Variants in IQCJ observed in about 807,000 individuals in gnomAD.
IQCJ encodes IQ domain-containing protein J.
IQCJ carries 9 observed loss-of-function variants against 11.0 expected under a neutral mutation model. That is an observed-to-expected ratio of 0.82 (90% confidence interval 0.49 to 1.43). The LOEUF (loss-of-function observed/expected upper bound fraction) is 1.43, where lower values mean the gene tolerates loss of function less well. Among genes scored for constraint, IQCJ ranks in the 40% most tolerant of loss-of-function variants. The probability of loss-of-function intolerance (pLI) is 0.00; values close to 1 mark genes in which losing one functional copy is unlikely to be tolerated. For synonymous variants in IQCJ, 55 were observed against 51.3 expected (o/e 1.07, Z -0.31); for missense variants, 146 against 133.2 (o/e 1.10, Z -0.47).
In IQCJ at chr3:159,092,698, A is replaced by AC. The variant is rs1491380806; in HGVS notation, c.9+23257_9+23258insC. Reference sequence around the variant, plus strand: ...GGGCGACAGAGTGAGACTCCATCACAAACACACACACACACACACACACAC... The same window carrying AC: ...GGGCGACAGAGTGAGACTCCATCACACAACACACACACACACACACACACAC... On this transcript the variant is annotated intron_variant, in intron 1 of 3. Coordinates refer to ENST00000397832, the MANE Select transcript of IQCJ (RefSeq NM_001042706.3). Among the ~76,000 whole-genome samples, 282 of 125,606 alleles carry AC rather than the reference A, an allele frequency of 2.2e-3. 5 individuals are homozygous for AC. Among genetic ancestry groups the AC allele is most frequent in the Admixed American group, 3.8e-3 (45 of 11,994 alleles). The allele number at this position is 125,606 out of a possible 152,430, so 82.4% of individuals were successfully genotyped here. A position where few individuals can be genotyped will look rare whatever the true frequency, so the allele number is the denominator to read the frequency against.
At chr3:159,250,390 T>C (rs1727526918) in intron 2 of IQCJ, among the ~76,000 whole-genome samples, 1 of 152,198 alleles carries the variant, frequency 6.6e-6, no homozygotes, top group African/African-American at 2.4e-5. Flanking sequence ...AACAAGAGTC[T>C]TAAAGTATCC....
chr3:159,224,304 A>G (rs1437044808), intron 1 of IQCJ, among the ~76,000 whole-genome samples: 1 of 152,200 alleles, frequency 6.6e-6, no homozygotes, highest in East Asian at 1.9e-4. Context: ...AATATTTAAT[A>G]AGAAGATAAA....
chr3:159,076,831 A>G (rs1191960646), intron 1 of IQCJ, among the ~76,000 whole-genome samples: 2 of 152,090 alleles, frequency 1.3e-5, no homozygotes, highest in Non-Finnish European at 2.9e-5. Flanking sequence ...GAGCATTATC[A>G]TTTATCAGCC....
chr3:159,261,500 C>T lies in IQCJ; in HGVS notation c.156-1048C>T, dbSNP rs567238617. On this transcript the variant is annotated intron_variant, in intron 3 of 3. Transcript: ENST00000397832. The stretch of plus-strand genomic sequence containing the variant: ...CAATTGAATCATGGGGCAATTTCCC[C>T]CATGCCGTTCTGTTGATAGTGAGTT... Among the ~76,000 whole-genome samples, 310 of 152,272 alleles carry T rather than the reference C, an allele frequency of 2.0e-3. 2 individuals are homozygous for T. The highest frequency in any genetic ancestry group is 7.3e-3 in the African/African-American group (302 of 41,542).
chr3:159,229,162 C>G (rs1444421078), intron 1 of IQCJ, among the ~76,000 whole-genome samples: 1 of 152,194 alleles, frequency 6.6e-6, no homozygotes, highest in Non-Finnish European at 1.5e-5. Flanking sequence ...ATTCCACACC[C>G]TGGAACTTTA....
chr3:159,082,845 C>T (rs1255398887), intron 1 of IQCJ, among the ~76,000 whole-genome samples: 9 of 152,014 alleles, frequency 5.9e-5, no homozygotes, highest in African/African-American at 2.2e-4. Flanking sequence ...AAGAGGGAGA[C>T]CCACAGGCTC....
At chr3:159,087,515 C>G (rs1266964238) in intron 1 of IQCJ, among the ~76,000 whole-genome samples, 1 of 151,980 alleles carries the variant, frequency 6.6e-6, no homozygotes, top group Non-Finnish European at 1.5e-5. Flanking sequence ...CCTTGTACCT[C>G]TGGTAAAATT....
intron 1 of IQCJ, among the ~76,000 whole-genome samples, chr3:159,206,946 C>G (rs1193490918): frequency 1.3e-5 from 2 of 152,156 alleles, no homozygotes; most frequent in Non-Finnish European, 2.9e-5. Flanking sequence ...TTTCTAAAGT[C>G]TTGTATTGTT....
chr3:159,220,990 G>T (rs1725503052), intron 1 of IQCJ, among the ~76,000 whole-genome samples: 1 of 152,078 alleles, frequency 6.6e-6, no homozygotes, highest in African/African-American at 2.4e-5. Context: ...CATTACAAGG[G>T]AATATATGTG....
At chr3:159,199,450 AC>A (rs1195991179) in intron 1 of IQCJ, among the ~76,000 whole-genome samples, 1 of 152,182 alleles carries the variant, frequency 6.6e-6, no homozygotes, top group Non-Finnish European at 1.5e-5. Flanking sequence ...GACGCTTAAT[AC>A]CTTCATTTTT....
chr3:159,109,049 C>T (rs1199655493), intron 1 of IQCJ, among the ~76,000 whole-genome samples: 2 of 152,176 alleles, frequency 1.3e-5, no homozygotes, highest in African/African-American at 4.8e-5. Context: ...GGTATAATTG[C>T]TCTCAATTTA....
At chr3:159,165,788 A>ATTTTTTTTT (rs35878681) in intron 1 of IQCJ, among the ~76,000 whole-genome samples, 19 of 106,414 alleles carry the variant, frequency 1.8e-4, no homozygotes, top group African/African-American at 2.9e-4. Flanking sequence ...TAATTTTTGT[A>ATTTTTTTTT]TTTTTTTTTT....
At chr3:159,137,467 C>T (rs1415511220) in intron 1 of IQCJ, among the ~76,000 whole-genome samples, 1 of 152,144 alleles carries the variant, frequency 6.6e-6, no homozygotes, top group Non-Finnish European at 1.5e-5. Flanking sequence ...ACTTAAAGAT[C>T]TGCCTTTTAA....
At chr3:159,113,689 T>G (rs1203731811) in intron 1 of IQCJ, among the ~76,000 whole-genome samples, 1 of 152,236 alleles carries the variant, frequency 6.6e-6, no homozygotes, top group Non-Finnish European at 1.5e-5. Context: ...TGTCAGATGC[T>G]GGGGCAGGCA....
At chr3:159,127,394 G>A (rs1719737199) in intron 1 of IQCJ, among the ~76,000 whole-genome samples, 1 of 152,122 alleles carries the variant, frequency 6.6e-6, no homozygotes, top group Non-Finnish European at 1.5e-5. Context: ...TTACACCCCT[G>A]TATGTTGTAT....
At chr3:159,265,099 A>G (rs1728426093), downstream of IQCJ, 1 of 766,884 alleles carries the variant, frequency 1.3e-6, no homozygotes, top group Admixed American at 2.3e-5. Flanking sequence ...GGATGCTTCC[A>G]AGTCTCTGGT....
intron 1 of IQCJ, among the ~76,000 whole-genome samples, chr3:159,106,161 G>A (rs1350959340): frequency 3.9e-5 from 6 of 152,146 alleles, no homozygotes; most frequent in Admixed American, 3.9e-4. Flanking sequence ...TTGACTACAG[G>A]GGAATGAGAG....
chr3:159,101,951 A>AT (rs1717956637), intron 1 of IQCJ, among the ~76,000 whole-genome samples: 1 of 152,216 alleles, frequency 6.6e-6, no homozygotes, highest in Non-Finnish European at 1.5e-5. Context: ...GCAGCTGCAC[A>AT]TTTTTAGCTA....
intron 1 of IQCJ, among the ~76,000 whole-genome samples, chr3:159,225,663 T>C (rs1725814903): frequency 6.6e-6 from 1 of 152,002 alleles, no homozygotes; most frequent in Admixed American, 6.6e-5. Context: ...AAATACGGTG[T>C]TTTTTCCACC....
Sources: gnomAD v4.1 joint callset for allele counts (sites outside exome capture counted in the v4.1 genomes callset) on GRCh38, gnomAD v4.1.1 for gene constraint, MANE v1.5 for transcripts, NCBI Gene and HGNC (gene_info 2026-07-23, HGNC 2026-07-21) for gene names.